The following FBXW11 variants were observed in gnomAD, a reference collection of about 807,000 sequenced individuals.
FBXW11 encodes F-box and WD repeat domain containing 11, also known as F-box/WD repeat-containing protein 11.
FBXW11 carries 19 observed loss-of-function variants against 77.6 expected under a neutral mutation model. That is an observed-to-expected ratio of 0.24 (90% CI 0.17 to 0.36). The LOEUF is 0.36. Among genes scored for constraint, FBXW11 ranks in the 10% least tolerant of loss-of-function variants. FBXW11 has a pLI of 1.00. For missense variants in FBXW11, 334 were observed against 704.2 expected (o/e 0.47, Z 5.95); for synonymous variants, 235 against 249.4 (o/e 0.94, Z 0.54).
At chr5:171,945,950 A>C (rs777639579) in intron 2 of FBXW11, among the ~76,000 whole-genome samples, 5 of 152,252 alleles carry the variant, frequency 3.3e-5, no homozygotes, top group African/African-American at 9.6e-5. Context: ...ACTAGGTTAT[A>C]TGGCCAGTTG....
At chr5:171,921,295 T>C (rs1017012322) in intron 2 of FBXW11, among the ~76,000 whole-genome samples, 14 of 152,224 alleles carry the variant, frequency 9.2e-5, no homozygotes, top group Non-Finnish European at 1.5e-5. Flanking sequence ...ACAGAATATA[T>C]TTCAATTGGA....
chr5:171,936,109 TAAAA>T (rs61349170), intron 2 of FBXW11, among the ~76,000 whole-genome samples: 2 of 59,356 alleles, frequency 3.4e-5, no homozygotes, highest in Non-Finnish European at 3.3e-5. Context: ...AGACTCCATC[TAAAA>T]AAAAAAAAAA....
Position 171,899,153 on chromosome 5 carries a change from T to G in FBXW11, c.624-59A>C, listed in dbSNP as rs1759946695. On this transcript the variant is annotated intron_variant, in intron 5 of 13. Coordinates refer to ENST00000517395, the MANE Select transcript of FBXW11 (RefSeq NM_001378974.1). ...TGCACATAAAAGGGTGAATTTTATCTAAACATGGTGCTGACAAAGATATAT... is the reference window on the plus strand; with the variant it reads ...TGCACATAAAAGGGTGAATTTTATCGAAACATGGTGCTGACAAAGATATAT... 9.2e-6 allele frequency: 10 copies of G among 1,091,174 alleles called. No individual in the cohort carries two copies. The Admixed American group carries it at 2.2e-4, about 24-fold the overall frequency. The allele number at this position is 1,091,174 out of a possible 1,614,324, so 67.6% of individuals were successfully genotyped here.
chr5:171,955,465 A>G (rs2113303068), intron 2 of FBXW11, among the ~76,000 whole-genome samples: 1 of 152,326 alleles, frequency 6.6e-6, no homozygotes, highest in Admixed American at 6.5e-5. Context: ...GCATATAAGC[A>G]ACAGGCCTTC....
intron 1 of FBXW11, among the ~76,000 whole-genome samples, chr5:171,977,119 C>G (rs747540085): frequency 1.3e-5 from 2 of 151,442 alleles, no homozygotes; most frequent in Non-Finnish European, 2.9e-5. Context: ...ACAGGAAGAT[C>G]ACTTGAGCCC....
At chr5:171,929,494 T>A (rs550659871) in intron 2 of FBXW11, among the ~76,000 whole-genome samples, 1 of 152,116 alleles carries the variant, frequency 6.6e-6, no homozygotes, top group African/African-American at 2.4e-5. Flanking sequence ...AAAACATAAA[T>A]AACAAAAAGA....
At chr5:172,005,993 T>G (rs1366008991) in intron 1 of FBXW11, among the ~76,000 whole-genome samples, 1 of 152,002 alleles carries the variant, frequency 6.6e-6, no homozygotes, top group African/African-American at 2.4e-5. Context: ...CTGAGACCTC[T>G]CCTAGGACGC....
chr5:172,004,983 G>A (rs922092333), intron 1 of FBXW11, among the ~76,000 whole-genome samples: 1 of 151,962 alleles, frequency 6.6e-6, no homozygotes, highest in African/African-American at 2.4e-5. Flanking sequence ...TTATGCAAAG[G>A]ACAGCAAACA....
chr5:171,888,601 T>C (rs924522016), intron 7 of FBXW11, among the ~76,000 whole-genome samples: 4 of 152,216 alleles, frequency 2.6e-5, no homozygotes, highest in Admixed American at 6.5e-5. Flanking sequence ...GTCCAGAGGA[T>C]TATAACAGGA....
At position 171,935,099 on chromosome 5, in the gene FBXW11, G is replaced by A. The variant is rs561558203; in HGVS notation, c.148-20694C>T. Among the ~76,000 whole-genome samples the A allele has an allele frequency of 2.2e-4, 34 of 152,240 alleles. No homozygotes were observed. In the East Asian group the frequency reaches 4.1e-3, roughly 18 times the overall value. On this transcript the variant is annotated intron_variant, in intron 2 of 13. Coordinates refer to ENST00000517395, the MANE Select transcript of FBXW11 (RefSeq NM_001378974.1). ...CTCCCGAGCAGCTGGGACTACAGGC[G>A]CCTGCCACCACGCCTGGCTAATTTT...
intron 6 of FBXW11, among the ~76,000 whole-genome samples, chr5:171,897,565 T>C (rs537700218): frequency 1.3e-5 from 2 of 152,330 alleles, no homozygotes; most frequent in East Asian, 1.9e-4. Context: ...TGAATTCACA[T>C]TGTCAATTCT....
intron 2 of FBXW11, among the ~76,000 whole-genome samples, chr5:171,936,739 G>A (rs1247047881): frequency 1.3e-5 from 2 of 152,042 alleles, no homozygotes; most frequent in Admixed American, 6.5e-5. Context: ...CATCAGTAAG[G>A]CAGGCAGGTC....
At chr5:171,960,351 G>A (rs565936709) in intron 1 of FBXW11, among the ~76,000 whole-genome samples, 4 of 152,104 alleles carry the variant, frequency 2.6e-5, no homozygotes, top group Non-Finnish European at 5.9e-5. Flanking sequence ...CTCCAGCCTG[G>A]GCAACAGAGT....
At chr5:171,894,618 G>A (rs1290841220) in intron 6 of FBXW11, among the ~76,000 whole-genome samples, 1 of 151,328 alleles carries the variant, frequency 6.6e-6, no homozygotes, top group Non-Finnish European at 1.5e-5. Context: ...TGTCAACTAC[G>A]CCGGCCTAAA....
intron 2 of FBXW11, among the ~76,000 whole-genome samples, chr5:171,933,827 G>A (rs1216186831): frequency 1.3e-5 from 2 of 151,890 alleles, no homozygotes; most frequent in Non-Finnish European, 2.9e-5. Context: ...AAAAAATGTA[G>A]AGACACATGC....
At chr5:171,900,226 G>C in intron 4 of FBXW11, 126 bp from the exon 5 acceptor site, 1 of 735,494 alleles carries the variant, frequency 1.4e-6, no homozygotes, top group Non-Finnish European at 2.2e-6. Flanking sequence ...CATATCAAAA[G>C]TTCTACAGAT....
At chr5:171,965,534 A>G (rs906111830) in intron 1 of FBXW11, among the ~76,000 whole-genome samples, 2 of 124,480 alleles carry the variant, frequency 1.6e-5, no homozygotes, top group Non-Finnish European at 3.3e-5. Flanking sequence ...CTTTAAAAAT[A>G]AAAAAAAAAA....
At chr5:172,006,122 C>T (rs1224220962) in intron 1 of FBXW11, among the ~76,000 whole-genome samples, 2 of 152,174 alleles carry the variant, frequency 1.3e-5, no homozygotes, top group East Asian at 1.9e-4. Flanking sequence ...AAAAAAAATC[C>T]CTTTCTAAAA....
At chr5:171,923,754 C>A (rs1761723393) in intron 2 of FBXW11, among the ~76,000 whole-genome samples, 1 of 150,796 alleles carries the variant, frequency 6.6e-6, no homozygotes, top group Non-Finnish European at 1.5e-5. Flanking sequence ...ATTTTAACGT[C>A]TCTGAAATAG....
Sources: gnomAD v4.1 joint callset for allele counts (sites outside exome capture counted in the v4.1 genomes callset) on GRCh38, gnomAD v4.1.1 for gene constraint, MANE v1.5 for transcripts, NCBI Gene and HGNC (gene_info 2026-07-23, HGNC 2026-07-21) for gene names.